The following WBP11 variants were observed in gnomAD, a reference collection of about 807,000 sequenced individuals.
The protein encoded by WBP11 is WW domain-binding protein 11.
Under a neutral mutation model 66.7 loss-of-function variants are expected in WBP11, and 12 were observed. The observed-to-expected ratio is 0.18, with a 90% CI of 0.12 to 0.29. The LOEUF is 0.29. Among genes scored for constraint, WBP11 ranks in the 10% least tolerant of loss-of-function variants. The pLI is 1.00. For synonymous variants in WBP11, 255 were observed against 273.8 expected, an observed-to-expected ratio of 0.93 and a Z score of 0.68; for missense variants, 555 against 818.3, an observed-to-expected ratio of 0.68 and a Z score of 3.93.
chr12:14,795,134 T>A (rs568020125), intron 5 of WBP11, 30 bp from the exon 6 acceptor site: 2 of 1,527,652 alleles, frequency 1.3e-6, no homozygotes, highest in African/African-American at 1.4e-5. Flanking sequence ...AGTAGTATGA[T>A]AAAAAAGTCA....
rs368446438 is a variant in WBP11 at position 14,794,983 on chromosome 12, G to A, written c.509C>T (p.Thr170Ile). 5.6e-6 allele frequency: 9 copies of A among 1,612,082 alleles called. No homozygotes were observed. The African/African-American group carries it at 6.7e-5, about 12-fold the overall frequency. ...ACTGCTTCCTTACCCATAGGCTGAG[G>A]TTTTCTTTAGGATAGAGGGTGGCTG... Reference protein sequence around the residue: ...GAQPPSILKKTSAYGPPTRAV... With the variant: ...GAQPPSILKKISAYGPPTRAV... Residue 170 changes from threonine to isoleucine, a missense_variant, in exon 6 of 12, where the codon ACC becomes ATC. This residue lies in a region of WBP11 where 220 missense variants were observed against 268.2 expected (regional missense o/e 0.82). Transcript: ENST00000261167.
rs1192531049 is a variant in WBP11 at position 14,787,123 on chromosome 12, A to C, written c.1868T>G (p.Val623Gly). The change falls in exon 12 of 12, where the codon GTA becomes GGA. Residue 623 changes from valine (V) to glycine (G), a missense_variant. Val to Gly is a moderately radical substitution (Grantham distance 109). Coordinates refer to ENST00000261167, the MANE Select transcript of WBP11 (RefSeq NM_016312.3). Reference protein sequence around the residue: ...PKSGPSVPVSVQTKDDVYEAF... With the variant: ...PKSGPSVPVSGQTKDDVYEAF... ...CTCATAGACATCATCCTTAGTTTGT[A>C]CTGAGACAGGAACAGAAGGACCAGA... 6.2e-7 allele frequency: 1 copy of C among 1,613,548 alleles called. No homozygotes were observed. The highest frequency in any genetic ancestry group is 8.5e-7 in the Non-Finnish European group (1 of 1,179,930).
chr12:14,801,454 G>A (rs918045753), intron 1 of WBP11, 26 bp from the exon 2 acceptor site: 8 of 1,418,846 alleles, frequency 5.6e-6, no homozygotes, highest in Non-Finnish European at 7.9e-6. Flanking sequence ...CAAAGAAATA[G>A]CTTATATCTC....
chr12:14,796,755 C>T lies in WBP11; in HGVS notation c.387+52G>A. 6.6e-7 allele frequency: 1 copy of T among 1,521,552 alleles called. No individual in the cohort carries two copies. Among genetic ancestry groups the T allele is most frequent in the African/African-American group, 1.4e-5 (1 of 70,054 alleles). 94.3% of individuals were successfully genotyped at this position (1,521,552 alleles called of 1,614,324 possible). On this transcript the variant is annotated intron_variant, in intron 5 of 11. Coordinates refer to ENST00000261167, the MANE Select transcript of WBP11 (RefSeq NM_016312.3). The surrounding 1 kb of genome is among the most constrained non-coding windows in gnomAD (Gnocchi z 4.5). ...TCCCAAGCACTTTGCATAAGGGATA[C>T]TCAATCTGTATAATATTTTAGTTTA...
At chr12:14,793,162 G>C (rs1462847416) in intron 8 of WBP11, among the ~76,000 whole-genome samples, 1 of 152,132 alleles carries the variant, frequency 6.6e-6, no homozygotes, top group African/African-American at 2.4e-5. Flanking sequence ...AAATTGCTGA[G>C]GTTTGACAGA....
At chr12:14,791,690 C>T (rs931155032) in intron 8 of WBP11, among the ~76,000 whole-genome samples, 4 of 152,176 alleles carry the variant, frequency 2.6e-5, no homozygotes, top group African/African-American at 9.7e-5. Context: ...GCAAGTTACA[C>T]ATGTTTATAG....
At chr12:14,790,354 G>A (rs1440907931) in intron 10 of WBP11, 102 bp downstream of exon 10, 9 of 1,406,928 alleles carry the variant, frequency 6.4e-6, no homozygotes, top group Non-Finnish European at 8.7e-6. Context: ...AATCCAATTA[G>A]GAGGAAACAA....
At chr12:14,800,323 A>G (rs1949945317) in intron 3 of WBP11, among the ~76,000 whole-genome samples, 2 of 151,866 alleles carry the variant, frequency 1.3e-5, no homozygotes, top group South Asian at 4.1e-4. Flanking sequence ...ATGGATATAT[A>G]AATCTAATAT....
Position 14,796,761 on chromosome 12 carries a change from C to T in WBP11, c.387+46G>A, listed in dbSNP as rs757859178. ...GCACTTTGCATAAGGGATACTCAATCTGTATAATATTTTAGTTTATCTCTC... is the reference window on the plus strand; with the variant it reads ...GCACTTTGCATAAGGGATACTCAATTTGTATAATATTTTAGTTTATCTCTC... On this transcript the variant is annotated intron_variant, in intron 5 of 11. Transcript: ENST00000261167. This position sits in a 1 kb window ranked among gnomAD's most constrained non-coding sequence, Gnocchi z 4.5. 6.5e-7 allele frequency: 1 copy of T among 1,530,516 alleles called. No homozygotes were observed. The highest frequency in any genetic ancestry group is 1.3e-5 in the South Asian group (1 of 77,410). The allele number at this position is 1,530,516 out of a possible 1,614,324, so 94.8% of individuals were successfully genotyped here. A position where few individuals can be genotyped will look rare whatever the true frequency, so the allele number is the denominator to read the frequency against.
rs373049744 is a variant in WBP11, at chr12:14,800,701, A to G, written c.96+51T>C. The G allele has an allele frequency of 5.2e-5, 78 of 1,485,768 alleles. No individual in the cohort carries two copies. In the African/African-American group the frequency reaches 7.2e-4, roughly 14 times the overall value. 92.0% of individuals were successfully genotyped at this position (1,485,768 alleles called of 1,614,324 possible). A position where few individuals can be genotyped will look rare whatever the true frequency, so the allele number is the denominator to read the frequency against. The stretch of plus-strand genomic sequence containing the variant: ...TGAAACCCACTAATCCCAAATCACA[A>G]GATGTACCAAACAATACTTAAAGTT... On this transcript the variant is annotated intron_variant, in intron 3 of 11. Coordinates refer to ENST00000261167, the MANE Select transcript of WBP11 (RefSeq NM_016312.3).
chr12:14,788,672 T>C (rs987335975), intron 11 of WBP11, among the ~76,000 whole-genome samples: 2 of 152,222 alleles, frequency 1.3e-5, no homozygotes, highest in Non-Finnish European at 2.9e-5. Flanking sequence ...TTGGTACTCA[T>C]GCAGATGCAT....
rs1949894007 is a variant in WBP11, at chr12:14,796,347, G to C, written c.387+460C>G. ...TGTTTAAATAAAGAGGATTAGATTT[G>C]CAGGTTCACACAGTAGGTATATGTT... is the stretch of plus-strand genomic sequence containing the variant. On this transcript the variant is annotated intron_variant, in intron 5 of 11. Transcript: ENST00000261167. The surrounding 1 kb of genome is among the most constrained non-coding windows in gnomAD (Gnocchi z 4.5). 6.6e-6 allele frequency among the ~76,000 whole-genome samples: 1 copy of C among 152,170 alleles called. No homozygotes were observed.
chr12:14,786,225 T>A lies in WBP11; in HGVS notation c.*840A>T, dbSNP rs1949753032. On this transcript the variant is annotated 3_prime_UTR_variant, in exon 12 of 12. Coordinates refer to ENST00000261167, the MANE Select transcript of WBP11 (RefSeq NM_016312.3). ...CACTGAAGGTAAGACATCTTTTAAATAATAAAAGCCAAACCATACTATTCT... is the reference window on the plus strand; with the variant it reads ...CACTGAAGGTAAGACATCTTTTAAAAAATAAAAGCCAAACCATACTATTCT... The A allele has an allele frequency of 6.6e-6, 1 of 152,166 alleles. No individual in the cohort carries two copies. The highest frequency in any genetic ancestry group is 1.5e-5 in the Non-Finnish European group (1 of 67,996). The allele number at this position is 152,166 out of a possible 1,614,324, so 9.4% of individuals were successfully genotyped here. A position where few individuals can be genotyped will look rare whatever the true frequency, so the allele number is the denominator to read the frequency against.
At chr12:14,797,285 G>A (rs771791804) in intron 4 of WBP11, among the ~76,000 whole-genome samples, 4 of 152,040 alleles carry the variant, frequency 2.6e-5, no homozygotes, top group African/African-American at 7.2e-5. Flanking sequence ...TGAAAACCTC[G>A]TGAAGATTCT....
Position 14,800,740 on chromosome 12 carries a change from C to T in WBP11, c.96+12G>A, listed in dbSNP as rs778211341. 1.8e-5 allele frequency: 29 copies of T among 1,603,814 alleles called. No individual in the cohort carries two copies. The highest frequency in any genetic ancestry group is 2.4e-5 in the Non-Finnish European group (28 of 1,174,034). ...ATACTTAAAGTTTTATAAGATGCCT[C>T]TAAAATCATACCTTCTTTAATTCTC... On this transcript the variant is annotated intron_variant, in intron 3 of 11. Coordinates refer to ENST00000261167, the MANE Select transcript of WBP11 (RefSeq NM_016312.3).
rs1429928665 is a variant in WBP11, at chr12:14,790,712, T to C, written c.1053A>G (p.Glu351=). Residue 351 remains glutamate (E), a synonymous_variant, in exon 10 of 12, where the codon GAA becomes GAG. Coordinates refer to ENST00000261167, the MANE Select transcript of WBP11 (RefSeq NM_016312.3). ...EIPEEGREVE[E]FSEDDDEDDS... The stretch of plus-strand genomic sequence containing the variant: ...CATCTTCATCATCGTCCTCTGAAAA[T>C]TCCTCTACTTCCCGTCCCTCCTCAG... The C allele has an allele frequency of 1.2e-6, 2 of 1,614,184 alleles. No individual in the cohort carries two copies. The highest frequency in any genetic ancestry group is 2.2e-5 in the East Asian group (1 of 44,890).
Position 14,786,960 on chromosome 12 carries a change from A to C in WBP11, c.*105T>G. The C allele has an allele frequency of 1.6e-6, 2 of 1,226,902 alleles. No homozygotes were observed. The highest frequency in any genetic ancestry group is 5.7e-5 in the Admixed American group (2 of 35,012). 76.0% of individuals were successfully genotyped at this position (1,226,902 alleles called of 1,614,324 possible). On this transcript the variant is annotated 3_prime_UTR_variant, in exon 12 of 12. Coordinates refer to ENST00000261167, the MANE Select transcript of WBP11 (RefSeq NM_016312.3). ...GGATATTCCTTGAACTGAAATTAGA[A>C]AATACCCTGACAATGGAAGCAGCTC...
chr12:14,792,965 TCCTA>T (rs1949838636), intron 8 of WBP11, among the ~76,000 whole-genome samples: 1 of 152,162 alleles, frequency 6.6e-6, no homozygotes, highest in African/African-American at 2.4e-5. Flanking sequence ...CAGTCCTAGT[TCCTA>T]CCTAATAGTC....
chr12:14,793,088 TTAA>T (rs2137233720), intron 8 of WBP11, among the ~76,000 whole-genome samples: 1 of 152,282 alleles, frequency 6.6e-6, no homozygotes, highest in South Asian at 2.1e-4. Context: ...ATTATCAATA[TTAA>T]TATTACATAG....
Sources: allele counts gnomAD v4.1 joint callset (sites outside exome capture counted in the v4.1 genomes callset), GRCh38; gene constraint gnomAD v4.1.1; regional missense constraint gnomAD v4.1.1; non-coding constraint Gnocchi (gnomAD v3.1); transcripts MANE v1.5; gene names NCBI Gene and HGNC (gene_info 2026-07-23, HGNC 2026-07-21).